The following IER3IP1 variants were observed in gnomAD, a reference collection of about 807,000 sequenced individuals.
IER3IP1 encodes the protein immediate early response 3 interacting protein 1, also known as immediate early response 3-interacting protein 1.
Under a neutral mutation model 12.2 loss-of-function variants are expected in IER3IP1, and 16 were observed. That is an observed-to-expected ratio of 1.31 (90% CI 0.89 to 1.99). The LOEUF (loss-of-function observed/expected upper bound fraction) is 1.99. IER3IP1 is among the 30% of genes most tolerant of loss of function. The probability of loss-of-function intolerance (pLI) is 0.00; values close to 1 mark genes in which losing one functional copy is unlikely to be tolerated. For synonymous variants in IER3IP1, 42 were observed against 40.0 expected (o/e 1.05, Z -0.19); for missense variants, 95 against 95.8 (o/e 0.99, Z 0.03).
At chr18:47,163,436 C>T (rs1334711118) in intron 1 of IER3IP1, among the ~76,000 whole-genome samples, 1 of 152,186 alleles carries the variant, frequency 6.6e-6, no homozygotes, top group African/African-American at 2.4e-5. Context: ...CTACTCATAA[C>T]AGCCCACAAT....
intron 1 of IER3IP1, among the ~76,000 whole-genome samples, chr18:47,159,709 G>C (rs1299691839): frequency 6.6e-6 from 1 of 152,148 alleles, no homozygotes; most frequent in African/African-American, 2.4e-5. Flanking sequence ...TATTCCTTAA[G>C]AGCTGGTTGG....
Position 47,176,262 on chromosome 18 carries a change from ACAGGGTAAAGGC to A in IER3IP1, c.4_15del (p.Ala2_Leu5del). 1 of 1,609,534 alleles carries A rather than the reference ACAGGGTAAAGGC, an allele frequency of 6.2e-7. No homozygotes were observed. Among genetic ancestry groups the A allele is most frequent in the South Asian group, 1.1e-5 (1 of 90,204 alleles). The stretch of plus-strand genomic sequence containing the variant: ...AGCAGGGCTGCCTGCAGCAGTGAGT[ACAGGGTAAAGGC>A]CATGGCCGTCCGAGGCCGCCCCGAA... On this transcript the variant is annotated inframe_deletion, in exon 1 of 3. Coordinates refer to ENST00000256433, the MANE Select transcript of IER3IP1 (RefSeq NM_016097.5).
chr18:47,173,324 A>G (rs1164309676), intron 1 of IER3IP1, among the ~76,000 whole-genome samples: 1 of 152,180 alleles, frequency 6.6e-6, no homozygotes, highest in Non-Finnish European at 1.5e-5. Flanking sequence ...CCCAAAGTCC[A>G]AGAGTAAATT....
Position 47,154,357 on chromosome 18 carries a change from T to G in IER3IP1, c.*1820A>C, listed in dbSNP as rs1369013156. The G allele has an allele frequency of 6.6e-6, 1 of 152,226 alleles. No homozygotes were observed. The highest frequency in any genetic ancestry group is 2.4e-5 in the African/African-American group (1 of 41,462). The allele number at this position is 152,226 out of a possible 1,614,324, so 9.4% of individuals were successfully genotyped here. A position where few individuals can be genotyped will look rare whatever the true frequency, so the allele number is the denominator to read the frequency against. ...ATATTTTGATGTTCAGTTCAGTGCT[T>G]CACTTTCCTCAGAACTACTTGGCTA... On this transcript the variant is annotated 3_prime_UTR_variant, in exon 3 of 3. Coordinates refer to ENST00000256433, the MANE Select transcript of IER3IP1 (RefSeq NM_016097.5).
intron 1 of IER3IP1, among the ~76,000 whole-genome samples, chr18:47,175,339 C>G (rs1415244606): frequency 6.6e-6 from 1 of 152,176 alleles, no homozygotes; most frequent in Non-Finnish European, 1.5e-5. Context: ...CTGATAACTC[C>G]AACACGTTCC....
At position 47,168,969 on chromosome 18, in the gene IER3IP1, A is replaced by G. The variant is rs181975587; in HGVS notation, c.91+7218T>C. ...TACCTTACAATTCATACATATAATT[A>G]AATGGTTTGAAGTACATTCAGAGTT... On this transcript the variant is annotated intron_variant, in intron 1 of 2. Transcript: ENST00000256433. Among the ~76,000 whole-genome samples, 1,171 of 152,360 alleles carry G rather than the reference A, an allele frequency of 7.7e-3. 5 individuals are homozygous for G. Among genetic ancestry groups the G allele is most frequent in the Non-Finnish European group, 0.012 (814 of 68,030 alleles).
Position 47,176,322 on chromosome 18 carries a change from C to A in IER3IP1, c.-45G>T. 6.6e-7 allele frequency: 1 copy of A among 1,523,296 alleles called. No homozygotes were observed. Among genetic ancestry groups the A allele is most frequent in the Non-Finnish European group, 9.0e-7 (1 of 1,116,878 alleles). 94.4% of individuals were successfully genotyped at this position (1,523,296 alleles called of 1,614,324 possible). On this transcript the variant is annotated 5_prime_UTR_variant, in exon 1 of 3. Coordinates refer to ENST00000256433, the MANE Select transcript of IER3IP1 (RefSeq NM_016097.5). ...GAAGTCCAAGCGATTTCTCTCCCGC[C>A]GCCGCAAGGGACGTGGCGCCTCCAC...
chr18:47,157,227 T>C, intron 2 of IER3IP1: 1 of 597,076 alleles, frequency 1.7e-6, no homozygotes, highest in South Asian at 2.1e-5. Flanking sequence ...ATACTAAGCA[T>C]TCTATTTGTA....
At chr18:47,164,796 G>C (rs1568072643) in intron 1 of IER3IP1, among the ~76,000 whole-genome samples, 2 of 150,914 alleles carry the variant, frequency 1.3e-5, no homozygotes, top group Admixed American at 1.3e-4. Flanking sequence ...AAAAACAAGA[G>C]AGAGAGAGAG....
intron 1 of IER3IP1, among the ~76,000 whole-genome samples, chr18:47,160,195 C>CA (rs145577681): frequency 0.085 from 11,706 of 137,048 alleles, 513 homozygotes; most frequent in Non-Finnish European, 0.1. Flanking sequence ...AACTCCGTCT[C>CA]AAAAAAAAAA....
chr18:47,171,809 T>C (rs1314685337), intron 1 of IER3IP1, among the ~76,000 whole-genome samples: 15 of 152,164 alleles, frequency 9.9e-5, no homozygotes, highest in South Asian at 2.1e-4. Context: ...GTCTTTTTTT[T>C]TGAGACAGGG....
chr18:47,172,024 C>G lies in IER3IP1; in HGVS notation c.91+4163G>C, dbSNP rs545872537. Among the ~76,000 whole-genome samples the G allele has an allele frequency of 2.6e-5, 4 of 152,082 alleles. No homozygotes were observed. Among genetic ancestry groups the G allele is most frequent in the Non-Finnish European group, 5.9e-5 (4 of 67,994 alleles). ...CTCGAACTCCTGACCTCAAGTGATC[C>G]GCCCACCTTGGCCTCCCAAAGTGCT... On this transcript the variant is annotated intron_variant, in intron 1 of 2. Coordinates refer to ENST00000256433, the MANE Select transcript of IER3IP1 (RefSeq NM_016097.5). This position sits in a 1 kb window ranked among gnomAD's most constrained non-coding sequence, Gnocchi z 4.0.
At chr18:47,160,128 G>A (rs1477308713) in intron 1 of IER3IP1, among the ~76,000 whole-genome samples, 1 of 151,942 alleles carries the variant, frequency 6.6e-6, no homozygotes, top group Non-Finnish European at 1.5e-5. Flanking sequence ...CCGGGAGGTG[G>A]AGGTTGTGGT....
intron 1 of IER3IP1, among the ~76,000 whole-genome samples, chr18:47,159,753 A>G (rs58715341): frequency 0.096 from 14,599 of 152,004 alleles, 760 homozygotes; most frequent in Non-Finnish European, 0.12. Flanking sequence ...TTGATGTCCT[A>G]CGTCACAATG....
intron 1 of IER3IP1, among the ~76,000 whole-genome samples, chr18:47,165,878 C>T (rs2063994486): frequency 6.6e-6 from 1 of 152,226 alleles, no homozygotes; most frequent in Non-Finnish European, 1.5e-5. Flanking sequence ...GGCTCCAGAA[C>T]AGTGAGAAAA....
chr18:47,176,340 G>T lies in IER3IP1; in HGVS notation c.-63C>A, dbSNP rs934790057. On this transcript the variant is annotated 5_prime_UTR_variant, in exon 1 of 3. Transcript: ENST00000256433. The stretch of plus-strand genomic sequence containing the variant: ...CTCCCGCCGCCGCAAGGGACGTGGC[G>T]CCTCCACGGCCGGCGCCTTCCTACG... 3 of 1,428,710 alleles carry T rather than the reference G, an allele frequency of 2.1e-6. No homozygotes were observed. The highest frequency in any genetic ancestry group is 2.8e-5 in the African/African-American group (2 of 70,964). 88.5% of individuals were successfully genotyped at this position (1,428,710 alleles called of 1,614,324 possible).
intron 1 of IER3IP1, among the ~76,000 whole-genome samples, chr18:47,169,049 C>T (rs184840305): frequency 2.0e-5 from 3 of 152,256 alleles, no homozygotes; most frequent in Admixed American, 2.0e-4. Flanking sequence ...CAAAAGAAAC[C>T]CTGTACACAT....
intron 1 of IER3IP1, among the ~76,000 whole-genome samples, chr18:47,159,082 G>A (rs2063971164): frequency 6.6e-6 from 1 of 152,140 alleles, no homozygotes; most frequent in Admixed American, 6.5e-5. Flanking sequence ...TATTTTTGCA[G>A]CACTAAGGTA....
At position 47,158,787 on chromosome 18, in the gene IER3IP1, CCT is replaced by C. The variant is rs905577950; in HGVS notation, c.92-1252_92-1251del. Among the ~76,000 whole-genome samples, 44 of 151,872 alleles carry C rather than the reference CCT, an allele frequency of 2.9e-4. 1 individual carries two copies. Among genetic ancestry groups the C allele is most frequent in the African/African-American group, 1.1e-3 (44 of 41,476 alleles). ...ACCAGCCTGGGTAACATGACGAAAC[CCT>C]GTCTCTACTAAAAATACAAAAATTA... On this transcript the variant is annotated intron_variant, in intron 1 of 2. Transcript: ENST00000256433.
Sources: allele counts gnomAD v4.1 joint callset (sites outside exome capture counted in the v4.1 genomes callset), GRCh38; gene constraint gnomAD v4.1.1; non-coding constraint Gnocchi (gnomAD v3.1); transcripts MANE v1.5; gene names NCBI Gene and HGNC (gene_info 2026-07-23, HGNC 2026-07-21).